SIRPG: variants seen among roughly 807,000 people sequenced by gnomAD.
SIRPG encodes signal-regulatory protein gamma.
SIRPG carries 38 observed loss-of-function variants against 35.7 expected under a neutral mutation model. The ratio of observed to expected loss-of-function variants is 1.06; its 90% CI spans 0.82 to 1.40. SIRPG has a LOEUF of 1.40. Ranked by LOEUF, SIRPG falls within the 40% of genes most tolerant of loss-of-function variation. The pLI is 0.00. For missense variants in SIRPG, 519 were observed against 483.0 expected, an observed-to-expected ratio of 1.07 and a Z score of -0.70; for synonymous variants, 215 against 190.4, an observed-to-expected ratio of 1.13 and a Z score of -1.06.
the SIRPG span, among the ~76,000 whole-genome samples, chr20:1,682,102 G>T: frequency 1.3e-5 from 2 of 152,114 alleles, no homozygotes; most frequent in African/African-American, 4.8e-5. Flanking sequence ...TATTTTGAGG[G>T]ACTATGCATT....
the SIRPG span, among the ~76,000 whole-genome samples, chr20:1,674,181 AT>A: frequency 2.0e-5 from 3 of 150,508 alleles, no homozygotes; most frequent in South Asian, 2.1e-4. Flanking sequence ...TTAAACTGGC[AT>A]TTTTTTTTAG....
the SIRPG span, among the ~76,000 whole-genome samples, chr20:1,680,916 A>G: frequency 3.9e-5 from 6 of 152,200 alleles, no homozygotes; most frequent in African/African-American, 1.4e-4. Flanking sequence ...GGTTACTGTC[A>G]TTCTCCAGTG....
chr20:1,659,745 C>T (rs1317351277), upstream of SIRPG, among the ~76,000 whole-genome samples: 1 of 152,164 alleles, frequency 6.6e-6, no homozygotes. Context: ...TACTATGATA[C>T]CTCTTGCAGG....
the SIRPG span, among the ~76,000 whole-genome samples, chr20:1,685,466 C>T: frequency 6.6e-6 from 1 of 152,050 alleles, no homozygotes; most frequent in Non-Finnish European, 1.5e-5. Flanking sequence ...CGTAATAAGA[C>T]ACAGAGCAGA....
At chr20:1,674,211 AT>A in the SIRPG span, among the ~76,000 whole-genome samples, 62 of 130,910 alleles carry the variant, frequency 4.7e-4, no homozygotes, top group African/African-American at 1.5e-3. Flanking sequence ...CTTGGGCTGG[AT>A]TTAAATTTTT....
At chr20:1,666,048 T>G in the SIRPG span, among the ~76,000 whole-genome samples, 1 of 151,920 alleles carries the variant, frequency 6.6e-6, no homozygotes, top group African/African-American at 2.4e-5. Context: ...AAGACAGCAC[T>G]ATTGCTGATC....
chr20:1,658,899 T>A (rs77015586), upstream of SIRPG, among the ~76,000 whole-genome samples: 363 of 152,290 alleles, frequency 2.4e-3, 2 homozygotes, highest in African/African-American at 8.3e-3. Context: ...AATCAGTTTC[T>A]CCCTCTGGAT....
chr20:1,681,320 CTG>C, the SIRPG span, among the ~76,000 whole-genome samples: 2 of 152,152 alleles, frequency 1.3e-5, no homozygotes, highest in East Asian at 3.9e-4. Flanking sequence ...ATGGTGAAAA[CTG>C]TGATCTCTAG....
intron 1 of SIRPG, among the ~76,000 whole-genome samples, chr20:1,649,627 T>TCC (rs1385749304): frequency 2.2e-3 from 210 of 96,638 alleles, no homozygotes; most frequent in African/African-American, 6.1e-3. Context: ...CACAGAGAGG[T>TCC]TCTTTTTTTT....
chr20:1,650,004 G>GTGTATATATATA (rs774462534), intron 1 of SIRPG, among the ~76,000 whole-genome samples: 9 of 98,834 alleles, frequency 9.1e-5, no homozygotes, highest in African/African-American at 3.5e-4. Flanking sequence ...TTTGAAGTGT[G>GTGTATATATATA]TATATATATA....
rs192277368 is a variant in SIRPG, at chr20:1,636,822, G to A, written c.431-317C>T. Among the ~76,000 whole-genome samples the A allele has an allele frequency of 7.9e-5, 12 of 152,316 alleles. No homozygotes were observed. In the East Asian group the frequency reaches 2.1e-3, roughly 27 times the overall value. ...AAGTTACTGATTGTTCTCCCTCTGT[G>A]TATTAACTGGTGCTAGCCTGTTTCC... On this transcript the variant is annotated intron_variant, in intron 2 of 5. Coordinates refer to ENST00000303415, the MANE Select transcript of SIRPG (RefSeq NM_018556.4).
the SIRPG span, among the ~76,000 whole-genome samples, chr20:1,678,751 C>A: frequency 7.8e-4 from 119 of 152,158 alleles, no homozygotes; most frequent in African/African-American, 2.8e-3. Flanking sequence ...TTTAACTCAG[C>A]GATAAAGTCA....
Position 1,635,560 on chromosome 20 carries a change from A to G in SIRPG, c.788T>C (p.Val263Ala), listed in dbSNP as rs6043409. 1,106,265 of 1,613,892 alleles carry G rather than the reference A, an allele frequency of 0.69. 382,746 individuals are homozygous for G. The highest frequency in any genetic ancestry group is 0.85 in the South Asian group (77,088 of 91,084). The change falls in exon 4 of 6, where the codon GTG becomes GCG. Residue 263 changes from valine (V) to alanine (A), a missense_variant. Coordinates refer to ENST00000303415, the MANE Select transcript of SIRPG (RefSeq NM_018556.4). ...TLEVTQQPMR[V>A]GNQVNVTCQV... ...GCAGGTGACGTTTACCTGGTTCCCC[A>G]CCCTCATGGGCTGTTGAGTAACCTC...
chr20:1,678,933 T>C, the SIRPG span, among the ~76,000 whole-genome samples: 2 of 152,230 alleles, frequency 1.3e-5, no homozygotes, highest in Non-Finnish European at 2.9e-5. Context: ...AGGAATGATA[T>C]GTTTAAAATG....
chr20:1,676,101 C>T, the SIRPG span, among the ~76,000 whole-genome samples: 1 of 152,144 alleles, frequency 6.6e-6, no homozygotes, highest in African/African-American at 2.4e-5. Context: ...ATGTGATTGC[C>T]TAGGGTGGGA....
At chr20:1,684,355 T>C in the SIRPG span, among the ~76,000 whole-genome samples, 1 of 151,724 alleles carries the variant, frequency 6.6e-6, no homozygotes, top group African/African-American at 2.4e-5. Flanking sequence ...ACAATAAATG[T>C]GAAATCTTAT....
chr20:1,684,518 A>C, the SIRPG span, among the ~76,000 whole-genome samples: 1 of 152,210 alleles, frequency 6.6e-6, no homozygotes, highest in Non-Finnish European at 1.5e-5. Context: ...AACCTGTTAA[A>C]ATCTCAGTAA....
chr20:1,645,761 C>T (rs8117968), intron 2 of SIRPG, among the ~76,000 whole-genome samples: 21,151 of 152,094 alleles, frequency 0.14, 1,656 homozygotes, highest in Non-Finnish European at 0.16. Flanking sequence ...TGAGTTCTTG[C>T]CCATGCTCTC....
chr20:1,686,065 C>T, the SIRPG span, among the ~76,000 whole-genome samples: 1 of 152,182 alleles, frequency 6.6e-6, no homozygotes, highest in Non-Finnish European at 1.5e-5. Flanking sequence ...AATAATGATT[C>T]TTCTGTGTTT....
Sources: allele counts gnomAD v4.1 joint callset (sites outside exome capture counted in the v4.1 genomes callset), GRCh38; gene constraint gnomAD v4.1.1; transcripts MANE v1.5; gene names NCBI Gene and HGNC (gene_info 2026-07-23, HGNC 2026-07-21).